Variants in TSGA13 observed in about 807,000 individuals in gnomAD.
TSGA13 encodes testis specific 13, also known as testis-specific gene 13 protein.
TSGA13 carries 37 observed loss-of-function variants against 35.1 expected under a neutral mutation model. The ratio of observed to expected loss-of-function variants is 1.05; its 90% CI spans 0.81 to 1.39. The LOEUF (loss-of-function observed/expected upper bound fraction) is 1.39. TSGA13 is among the 40% of genes most tolerant of loss of function. The probability of loss-of-function intolerance (pLI) is 0.00; values close to 1 mark genes in which losing one functional copy is unlikely to be tolerated. For missense variants in TSGA13, 338 were observed against 328.5 expected (o/e 1.03, Z -0.22); for synonymous variants, 124 against 121.2 (o/e 1.02, Z -0.15).
chr7:130,679,591 C>A (rs1465340492), intron 4 of TSGA13, among the ~76,000 whole-genome samples: 1 of 152,110 alleles, frequency 6.6e-6, no homozygotes, highest in Non-Finnish European at 1.5e-5. Context: ...CTCACTGCAA[C>A]CTAGACCTCC....
intron 1 of TSGA13, among the ~76,000 whole-genome samples, chr7:130,685,912 C>T (rs543825826): frequency 6.6e-6 from 1 of 152,240 alleles, no homozygotes; most frequent in East Asian, 1.9e-4. Context: ...TGGGATGTTT[C>T]CTAAAGGTTG....
intron 3 of TSGA13, among the ~76,000 whole-genome samples, chr7:130,681,772 G>C (rs1796552541): frequency 6.6e-6 from 1 of 151,992 alleles, no homozygotes; most frequent in Admixed American, 6.6e-5. Context: ...TAGTGTTCTT[G>C]CTTCTCCTCT....
intron 5 of TSGA13, among the ~76,000 whole-genome samples, 196 bp from the exon 6 acceptor site, chr7:130,673,072 C>G (rs1796319691): frequency 6.6e-6 from 1 of 152,192 alleles, no homozygotes; most frequent in South Asian, 2.1e-4. Flanking sequence ...TTTTCATTGC[C>G]AGATTACTTG....
At chr7:130,681,925 CTTTTTTCTTTTCT>C (rs1382561544) in intron 3 of TSGA13, among the ~76,000 whole-genome samples, 4 of 151,980 alleles carry the variant, frequency 2.6e-5, no homozygotes, top group Middle Eastern at 3.2e-3. Context: ...ATCAGCATTT[CTTTTTTCTTTTCT>C]TTTTTTCTTT....
intron 2 of TSGA13, 91 bp from the exon 3 acceptor site, chr7:130,683,763 G>A (rs1340966308): frequency 5.1e-6 from 6 of 1,182,464 alleles, no homozygotes; most frequent in Admixed American, 4.2e-5. Flanking sequence ...AAGTTTGGAA[G>A]CCTAACTCAG....
intron 5 of TSGA13, among the ~76,000 whole-genome samples, chr7:130,673,700 A>G (rs904825398): frequency 2.0e-5 from 3 of 152,152 alleles, no homozygotes; most frequent in Non-Finnish European, 4.4e-5. Context: ...CATTGGAGAA[A>G]GCTACAGTTC....
At chr7:130,685,867 C>A (rs1210875462) in intron 1 of TSGA13, among the ~76,000 whole-genome samples, 1 of 152,074 alleles carries the variant, frequency 6.6e-6, no homozygotes, top group Non-Finnish European at 1.5e-5. Flanking sequence ...TAAGGTAGAA[C>A]CAACCATTTA....
At chr7:130,684,927 A>G (rs1485803899) in intron 2 of TSGA13, among the ~76,000 whole-genome samples, 1 of 152,226 alleles carries the variant, frequency 6.6e-6, no homozygotes, top group Non-Finnish European at 1.5e-5. Flanking sequence ...TTCAGGGCCA[A>G]TTTAAGGCAT....
chr7:130,685,287 T>C lies in TSGA13; in HGVS notation c.-77A>G. On this transcript the variant is annotated 5_prime_UTR_variant, in exon 2 of 8. Coordinates refer to ENST00000356588, the MANE Select transcript of TSGA13 (RefSeq NM_052933.4). ...AATTCAGGTCTCTAAATAGTCCACGTTCTGCAGGGGTTCAATTCAATCCAA... is the reference window on the plus strand; with the variant it reads ...AATTCAGGTCTCTAAATAGTCCACGCTCTGCAGGGGTTCAATTCAATCCAA... 2 of 1,599,872 alleles carry C rather than the reference T, an allele frequency of 1.3e-6. No individual in the cohort carries two copies. Among genetic ancestry groups the C allele is most frequent in the African/African-American group, 2.7e-5 (2 of 74,842 alleles).
rs371827682 is a variant in TSGA13, at chr7:130,681,002, C to T, written c.118G>A (p.Gly40Arg). The T allele has an allele frequency of 1.1e-5, 17 of 1,614,018 alleles. 1 individual carries two copies. The highest frequency in any genetic ancestry group is 8.8e-5 in the South Asian group (8 of 91,082). The change falls in exon 4 of 8, where the codon GGG (glycine) becomes AGG (arginine). Residue 40 changes from glycine (G) to arginine (R), a missense_variant. Transcript: ENST00000356588. ...TTCTCTAGAACAAATTTTGATTGCC[C>T]GACTGCATCAGAAATCTAAAGAGGA... ...VNSKEISDAV[G>R]QSKFVLENLR...
chr7:130,681,978 C>T (rs1324773000), intron 3 of TSGA13, among the ~76,000 whole-genome samples: 1 of 151,500 alleles, frequency 6.6e-6, no homozygotes, highest in African/African-American at 2.4e-5. Context: ...CTCACTGTGT[C>T]CCCCAGGCTG....
chr7:130,679,999 T>C (rs989644652), intron 4 of TSGA13, among the ~76,000 whole-genome samples: 2 of 152,184 alleles, frequency 1.3e-5, no homozygotes, highest in Non-Finnish European at 2.9e-5. Flanking sequence ...AGTTTCTACA[T>C]GGCTAAACCT....
At chr7:130,674,800 C>A (rs1247870909) in intron 5 of TSGA13, among the ~76,000 whole-genome samples, 1 of 152,148 alleles carries the variant, frequency 6.6e-6, no homozygotes, top group Non-Finnish European at 1.5e-5. Flanking sequence ...TGCTTCTGAA[C>A]CATGTCTTTT....
intron 5 of TSGA13, among the ~76,000 whole-genome samples, chr7:130,677,310 T>G (rs1554464274): frequency 1.3e-5 from 2 of 152,218 alleles, no homozygotes; most frequent in Non-Finnish European, 2.9e-5. Flanking sequence ...AACTCATCTT[T>G]CTGGGTTTTG....
Position 130,668,760 on chromosome 7 carries a change from G to A in TSGA13, c.*254C>T. 1 of 1,432,310 alleles carries A rather than the reference G, an allele frequency of 7.0e-7. No homozygotes were observed. The highest frequency in any genetic ancestry group is 9.3e-7 in the Non-Finnish European group (1 of 1,071,302). The allele number at this position is 1,432,310 out of a possible 1,614,324, so 88.7% of individuals were successfully genotyped here. ...GAGGCTGCAGGAAGGCCGGCCCCGC[G>A]CTCTCACGCCGGTTGGGCCGCCGCG... On this transcript the variant is annotated 3_prime_UTR_variant, in exon 8 of 8. Transcript: ENST00000356588.
Position 130,668,671 on chromosome 7 carries a change from T to A in TSGA13, c.*343A>T. 6.5e-7 allele frequency: 1 copy of A among 1,540,856 alleles called. No homozygotes were observed. The highest frequency in any genetic ancestry group is 8.7e-7 in the Non-Finnish European group (1 of 1,145,514). On this transcript the variant is annotated 3_prime_UTR_variant, in exon 8 of 8. Coordinates refer to ENST00000356588, the MANE Select transcript of TSGA13 (RefSeq NM_052933.4). ...TTCTTGTCGAATTTTTTAATCATCT[T>A]GGACGACTTCCCAGCGCCCAGACCC...
chr7:130,681,938 T>G (rs1444813502), intron 3 of TSGA13, among the ~76,000 whole-genome samples: 1 of 152,002 alleles, frequency 6.6e-6, no homozygotes, highest in Admixed American at 6.6e-5. Context: ...TTTTCTTTTC[T>G]TTTTTTCTTT....
At chr7:130,672,702 G>A (rs781996934) in intron 6 of TSGA13, 32 bp downstream of exon 6, 5 of 1,602,394 alleles carry the variant, frequency 3.1e-6, no homozygotes, top group Non-Finnish European at 4.3e-6. Flanking sequence ...AGATAGGAAA[G>A]AAAGCAAGTA....
At chr7:130,675,419 T>C (rs1422326426) in intron 5 of TSGA13, among the ~76,000 whole-genome samples, 1 of 152,092 alleles carries the variant, frequency 6.6e-6, no homozygotes, top group Non-Finnish European at 1.5e-5. Context: ...AATCTCACTC[T>C]GTTGCCTGGG....
Sources: gnomAD v4.1 joint callset for allele counts (sites outside exome capture counted in the v4.1 genomes callset) on GRCh38, gnomAD v4.1.1 for gene constraint, MANE v1.5 for transcripts, NCBI Gene and HGNC (gene_info 2026-07-23, HGNC 2026-07-21) for gene names.